AFP: variants seen among roughly 807,000 people sequenced by gnomAD.
The protein encoded by AFP is alpha fetoprotein.
AFP carries 64 observed loss-of-function variants against 78.9 expected under a neutral mutation model. The observed-to-expected ratio is 0.81, with a 90% confidence interval of 0.66 to 1.00. AFP has a LOEUF of 1.00. Among genes scored for constraint, AFP ranks in the 50% least tolerant of loss-of-function variants. AFP has a pLI of 0.00. For missense variants in AFP, 689 were observed against 703.8 expected, an observed-to-expected ratio of 0.98 and a Z score of 0.24; for synonymous variants, 254 against 243.8, an observed-to-expected ratio of 1.04 and a Z score of -0.39.
Position 73,436,334 on chromosome 4 carries a change from T to C in AFP, c.72T>C (p.Asn24=). ...CTGAATCCAGAACACTGCATAGAAA[T>C]GAATATGGAATAGGTGAGATATTTT... ...NFTESRTLHR[N]EYGIASILDS... Residue 24 remains asparagine (N), a synonymous_variant, in exon 1 of 15, where the codon AAT becomes AAC. Coordinates refer to ENST00000395792, the MANE Select transcript of AFP (RefSeq NM_001134.3). The C allele has an allele frequency of 6.3e-7, 1 of 1,581,524 alleles. No individual in the cohort carries two copies. The highest frequency in any genetic ancestry group is 8.6e-7 in the Non-Finnish European group (1 of 1,156,210).
intron 11 of AFP, 51 bp from the exon 12 acceptor site, chr4:73,452,350 T>G (rs1210863150): frequency 6.6e-7 from 1 of 1,506,418 alleles, no homozygotes; most frequent in Non-Finnish European, 9.2e-7. Flanking sequence ...TGAACCAACT[T>G]TGTGACTAAT....
chr4:73,451,499 A>G (rs1719990899), intron 11 of AFP, among the ~76,000 whole-genome samples: 1 of 152,194 alleles, frequency 6.6e-6, no homozygotes, highest in African/African-American at 2.4e-5. Flanking sequence ...GTTAAGAGTA[A>G]AAGGAGAGTT....
intron 12 of AFP, among the ~76,000 whole-genome samples, chr4:73,453,321 T>A (rs963500106): frequency 6.6e-6 from 1 of 152,194 alleles, no homozygotes; most frequent in Non-Finnish European, 1.5e-5. Flanking sequence ...ATTGCTCTGG[T>A]CTAAGTCCAA....
At chr4:73,446,094 T>C (rs1719815658) in intron 7 of AFP, among the ~76,000 whole-genome samples, 1 of 152,184 alleles carries the variant, frequency 6.6e-6, no homozygotes, top group Non-Finnish European at 1.5e-5. Flanking sequence ...AGTGAGATGC[T>C]TGAAGTAAGC....
chr4:73,449,983 A>T, intron 9 of AFP, 53 bp from the exon 10 acceptor site: 1 of 1,175,086 alleles, frequency 8.5e-7, no homozygotes, highest in Non-Finnish European at 1.2e-6. Context: ...TTATATACAA[A>T]GTTATGCATC....
intron 14 of AFP, 158 bp downstream of exon 14, chr4:73,455,448 A>C (rs750569233): frequency 4.1e-5 from 28 of 679,416 alleles, no homozygotes; most frequent in Non-Finnish European, 6.4e-5. Context: ...AATTACGCAC[A>C]CAATGTTAAA....
intron 2 of AFP, 86 bp from the exon 3 acceptor site, chr4:73,438,088 A>G: frequency 6.4e-7 from 1 of 1,566,816 alleles, no homozygotes; most frequent in Non-Finnish European, 8.7e-7. Context: ...ATAGAAAACA[A>G]AACAAACAAA....
At chr4:73,441,485 G>A (rs528801893) in intron 4 of AFP, among the ~76,000 whole-genome samples, 1 of 146,176 alleles carries the variant, frequency 6.8e-6, no homozygotes, top group Non-Finnish European at 1.5e-5. Context: ...GGAGAATGGC[G>A]TGAACCCTGG....
At chr4:73,444,155 A>G (rs1719754271) in intron 6 of AFP, among the ~76,000 whole-genome samples, 1 of 152,182 alleles carries the variant, frequency 6.6e-6, no homozygotes, top group Non-Finnish European at 1.5e-5. Context: ...TAATAGAATT[A>G]GTTCTAAAGA....
At chr4:73,448,804 AG>A (rs1348161708) in intron 8 of AFP, among the ~76,000 whole-genome samples, 1 of 152,156 alleles carries the variant, frequency 6.6e-6, no homozygotes, top group Non-Finnish European at 1.5e-5. Context: ...TTCTGATATC[AG>A]CTGCCTAGAG....
At chr4:73,444,477 A>G (rs1560394083) in intron 6 of AFP, among the ~76,000 whole-genome samples, 1 of 152,134 alleles carries the variant, frequency 6.6e-6, no homozygotes, top group Admixed American at 6.6e-5. Flanking sequence ...TTTATTTCTT[A>G]CTTCTTTTTT....
chr4:73,453,115 T>C (rs1440470226), intron 12 of AFP, among the ~76,000 whole-genome samples: 29 of 152,216 alleles, frequency 1.9e-4, no homozygotes, highest in Non-Finnish European at 5.9e-5. Flanking sequence ...ATGGTGATGG[T>C]CATGCAAGTC....
intron 14 of AFP, 112 bp downstream of exon 14, chr4:73,455,402 T>C (rs560334072): frequency 2.1e-6 from 2 of 943,964 alleles, no homozygotes; most frequent in South Asian, 1.4e-5. Flanking sequence ...ATACATGGAA[T>C]TCAAAAAAAA....
At position 73,455,296 on chromosome 4, in the gene AFP, A is replaced by G. The variant is rs1720124268; in HGVS notation, c.*10+6A>G. ...GGGAGTTTAAATTACTTCAGGTAAC[A>G]AAACATTCAGACAAGCCTGAATACA... On this transcript the variant is annotated splice_donor_region_variant and intron_variant, in intron 14 of 14. Transcript: ENST00000395792. 6.8e-6 allele frequency: 11 copies of G among 1,607,738 alleles called. No individual in the cohort carries two copies. The highest frequency in any genetic ancestry group is 9.4e-6 in the Non-Finnish European group (11 of 1,174,588).
chr4:73,454,894 G>A (rs1266441242), intron 13 of AFP, among the ~76,000 whole-genome samples: 2 of 152,110 alleles, frequency 1.3e-5, no homozygotes, highest in Non-Finnish European at 2.9e-5. Flanking sequence ...TCTAATCTGA[G>A]AAGACATTTA....
At position 73,447,684 on chromosome 4, in the gene AFP, A is replaced by G; in HGVS notation, c.1058+8A>G. 5 of 1,597,782 alleles carry G rather than the reference A, an allele frequency of 3.1e-6. No individual in the cohort carries two copies. The highest frequency in any genetic ancestry group is 2.3e-4 in the Middle Eastern group (1 of 4,416). On this transcript the variant is annotated splice_region_variant and intron_variant, in intron 8 of 14. Transcript: ENST00000395792. ...AAATATCTTCTTGGCAAGGTAACACACTCTGTAAATGCATGTTCATGCAAG... is the reference window on the plus strand; with the variant it reads ...AAATATCTTCTTGGCAAGGTAACACGCTCTGTAAATGCATGTTCATGCAAG...
chr4:73,445,188 A>G (rs1719783816), intron 7 of AFP, 66 bp downstream of exon 7: 1 of 1,590,620 alleles, frequency 6.3e-7, no homozygotes, highest in South Asian at 1.1e-5. Flanking sequence ...GTCTCATTCT[A>G]AAAGGGAGAA....
rs1719920729 is a variant in AFP, at chr4:73,449,396, G to A, written c.1120G>A (p.Ala374Thr). Residue 374 changes from alanine (A) to threonine (T), a missense_variant, in exon 9 of 15, where the codon GCT (alanine) becomes ACT (threonine). Ala to Thr is a moderately conservative substitution (Grantham distance 58, BLOSUM62 0). Coordinates refer to ENST00000395792, the MANE Select transcript of AFP (RefSeq NM_001134.3). ...QLAVSVILRV[A>T]KGYQELLEKC... Reference sequence around the variant, plus strand: ...TGCTGTCTCAGTAATTCTAAGAGTTGCTAAAGGATACCAGGAGTTATTGGA... The same window carrying A: ...TGCTGTCTCAGTAATTCTAAGAGTTACTAAAGGATACCAGGAGTTATTGGA... 1.9e-6 allele frequency: 3 copies of A among 1,613,466 alleles called. No individual in the cohort carries two copies. Among genetic ancestry groups the A allele is most frequent in the Non-Finnish European group, 2.5e-6 (3 of 1,179,584 alleles).
intron 12 of AFP, among the ~76,000 whole-genome samples, chr4:73,452,927 G>A (rs1339012341): frequency 2.0e-5 from 3 of 152,194 alleles, no homozygotes; most frequent in African/African-American, 7.2e-5. Context: ...AGGAATTAGA[G>A]TGTATCTTTG....
Sources: allele counts gnomAD v4.1 joint callset (sites outside exome capture counted in the v4.1 genomes callset), GRCh38; gene constraint gnomAD v4.1.1; transcripts MANE v1.5; gene names NCBI Gene and HGNC (gene_info 2026-07-23, HGNC 2026-07-21).